The following NFILZ variants were observed in gnomAD, a reference collection of about 807,000 sequenced individuals.
NFILZ encodes the protein NFIL3 like protein.
At chr19:8,641,137 C>T (rs1199801074) in intron 3 of NFILZ, among the ~76,000 whole-genome samples, 1 of 152,136 alleles carries the variant, frequency 6.6e-6, no homozygotes, top group Non-Finnish European at 1.5e-5. Context: ...ACAACCTCGA[C>T]CTCCCAGGCT....
At chr19:8,652,988 CTT>C (rs2042972827) in intron 3 of NFILZ, among the ~76,000 whole-genome samples, 1 of 41,150 alleles carries the variant, frequency 2.4e-5, no homozygotes, top group African/African-American at 1.2e-4. Flanking sequence ...TCCTTCCTTC[CTT>C]CCTTCCTTCC....
rs1037348954 is a variant in NFILZ, at chr19:8,678,829, C to A, written c.*1194C>A. Among the ~76,000 whole-genome samples the A allele has an allele frequency of 6.6e-6, 1 of 152,206 alleles. No homozygotes were observed. The highest frequency in any genetic ancestry group is 1.5e-5 in the Non-Finnish European group (1 of 68,032). ...ACTTGTCCCCTCACCCACCCACTCA[C>A]GATCTTTAGACCTTCCTTTTGTGCC... is the stretch of plus-strand genomic sequence containing the variant. On this transcript the variant is annotated 3_prime_UTR_variant, in exon 6 of 6. Transcript: ENST00000691075.
intron 3 of NFILZ, among the ~76,000 whole-genome samples, chr19:8,662,718 C>A (rs1489540950): frequency 2.0e-5 from 3 of 150,834 alleles, no homozygotes; most frequent in Non-Finnish European, 2.9e-5. Context: ...CTCACTGCAA[C>A]CTCCGCCTCC....
intron 1 of NFILZ, among the ~76,000 whole-genome samples, 199 bp downstream of exon 1, chr19:8,630,943 T>C (rs1342547622): frequency 6.6e-6 from 1 of 152,136 alleles, no homozygotes; most frequent in Non-Finnish European, 1.5e-5. Flanking sequence ...AATTGGGGCC[T>C]TGGATGCCCG....
chr19:8,647,795 G>GTACA (rs1555747297), intron 3 of NFILZ, among the ~76,000 whole-genome samples: 1 of 76,302 alleles, frequency 1.3e-5, no homozygotes, highest in East Asian at 4.5e-4. Context: ...GCGCGCGCGC[G>GTACA]CACACACACA....
intron 3 of NFILZ, among the ~76,000 whole-genome samples, chr19:8,656,499 C>CAGCCCACCTTCTTCCTGA (rs2043003759): frequency 9.8e-4 from 32 of 32,814 alleles, no homozygotes; most frequent in Non-Finnish European, 1.9e-3. Context: ...CCTTCTCCCG[C>CAGCCCACCTTCTTCCTGA]AGCCCACCTT....
At chr19:8,642,299 CATG>C (rs1293233385) in intron 3 of NFILZ, among the ~76,000 whole-genome samples, 2 of 152,064 alleles carry the variant, frequency 1.3e-5, no homozygotes, top group African/African-American at 4.8e-5. Context: ...AGCACTGAAA[CATG>C]GTGATCACAT....
chr19:8,658,839 G>C (rs1434299972), intron 3 of NFILZ, among the ~76,000 whole-genome samples: 1 of 152,108 alleles, frequency 6.6e-6, no homozygotes, highest in South Asian at 2.1e-4. Flanking sequence ...ATTTCCAGCT[G>C]TTCAGGAGGC....
intron 2 of NFILZ, among the ~76,000 whole-genome samples, chr19:8,634,961 C>G (rs77976062): frequency 3.3e-5 from 5 of 152,004 alleles, no homozygotes; most frequent in South Asian, 2.1e-4. Context: ...TATTAGTATA[C>G]GATTCTGTGA....
intron 3 of NFILZ, among the ~76,000 whole-genome samples, chr19:8,666,740 C>G (rs1164605301): frequency 6.6e-6 from 1 of 151,532 alleles, no homozygotes; most frequent in Non-Finnish European, 1.5e-5. Flanking sequence ...GTCAATCTCT[C>G]TCTCCTTTTT....
intron 3 of NFILZ, among the ~76,000 whole-genome samples, chr19:8,663,591 T>C (rs1228701974): frequency 6.6e-6 from 1 of 151,184 alleles, no homozygotes; most frequent in Non-Finnish European, 1.5e-5. Context: ...TTTGGCCACG[T>C]TGAGTATTTG....
In NFILZ at chr19:8,679,601, C is replaced by T. The variant is rs528139736; in HGVS notation, c.*1966C>T. On this transcript the variant is annotated 3_prime_UTR_variant, in exon 6 of 6. Transcript: ENST00000691075. ...GCAGTATCACCAAACAGGCCAAGAG[C>T]TCCCCTGTGACTGGGCATCCCTAGA... Among the ~76,000 whole-genome samples the T allele has an allele frequency of 8.7e-4, 132 of 152,230 alleles. No individual in the cohort carries two copies. The highest frequency in any genetic ancestry group is 1.0e-3 in the Non-Finnish European group (70 of 68,022).
rs1255474698 is a variant in NFILZ at position 8,677,786 on chromosome 19, G to T, written c.*151G>T. On this transcript the variant is annotated 3_prime_UTR_variant, in exon 6 of 6. Coordinates refer to ENST00000691075, the MANE Select transcript of NFILZ (RefSeq NM_001378600.1). ...CCTGGCTTGGAAGGTCCACTTCACA[G>T]CTTCCATACCAGACCTCCTAGGGGT... Among the ~76,000 whole-genome samples the T allele has an allele frequency of 6.6e-6, 1 of 152,084 alleles. No individual in the cohort carries two copies. The highest frequency in any genetic ancestry group is 1.5e-5 in the Non-Finnish European group (1 of 67,990).
At chr19:8,672,871 C>A (rs1327456028) in intron 3 of NFILZ, among the ~76,000 whole-genome samples, 1 of 152,032 alleles carries the variant, frequency 6.6e-6, no homozygotes, top group Non-Finnish European at 1.5e-5. Flanking sequence ...GTCTAAGATG[C>A]TTATACTTTC....
At position 8,633,285 on chromosome 19, in the gene NFILZ, G is replaced by A. The variant is rs141488210; in HGVS notation, c.-261+660G>A. 1.7e-3 allele frequency among the ~76,000 whole-genome samples: 262 copies of A among 152,236 alleles called. 1 individual carries two copies. The highest frequency in any genetic ancestry group is 6.1e-3 in the African/African-American group (253 of 41,546). On this transcript the variant is annotated intron_variant, in intron 2 of 5. Transcript: ENST00000691075. ...GATGCACCCACCTCGGCCTCCCAAA[G>A]TGCTGGGATTATAGGTGGAAGCCAA...
chr19:8,661,978 T>G (rs1307689520), intron 3 of NFILZ, among the ~76,000 whole-genome samples: 1 of 151,320 alleles, frequency 6.6e-6, no homozygotes, highest in Non-Finnish European at 1.5e-5. Context: ...GGAAGGAGGG[T>G]CCACTGAGGC....
intron 3 of NFILZ, among the ~76,000 whole-genome samples, chr19:8,647,584 C>T (rs868911358): frequency 2.0e-5 from 3 of 148,450 alleles, no homozygotes; most frequent in African/African-American, 7.4e-5. Context: ...GCACCCCCCC[C>T]CCCAAAAAAA....
intron 3 of NFILZ, among the ~76,000 whole-genome samples, chr19:8,641,779 A>G (rs145164266): frequency 1.4e-3 from 220 of 152,272 alleles, no homozygotes; most frequent in African/African-American, 5.0e-3. Flanking sequence ...TATGAGGATC[A>G]CATGACACAT....
chr19:8,678,233 TCAG>T lies in NFILZ; in HGVS notation c.*600_*602del, dbSNP rs2043128103. Among the ~76,000 whole-genome samples, 1 of 111,476 alleles carries T rather than the reference TCAG, an allele frequency of 9.0e-6. No individual in the cohort carries two copies. Among genetic ancestry groups the T allele is most frequent in the African/African-American group, 3.4e-5 (1 of 29,020 alleles). The allele number at this position is 111,476 out of a possible 152,430, so 73.1% of individuals were successfully genotyped here. A position where few individuals can be genotyped will look rare whatever the true frequency, so the allele number is the denominator to read the frequency against. On this transcript the variant is annotated 3_prime_UTR_variant, in exon 6 of 6. Transcript: ENST00000691075. ...TCCATTCATCCATCCGTCCATCCAT[TCAG>T]CCATCCATCTGTCCATTTATCCATC...
Sources: allele counts gnomAD v4.1 joint callset (sites outside exome capture counted in the v4.1 genomes callset), GRCh38; gene constraint gnomAD v4.1.1; transcripts MANE v1.5; gene names NCBI Gene and HGNC (gene_info 2026-07-23, HGNC 2026-07-21).